Variants in C8orf82 observed in about 807,000 individuals in gnomAD.
C8orf82 encodes the protein UPF0598 protein C8orf82.
C8orf82 carries 24 observed loss-of-function variants against 15.0 expected under a neutral mutation model. That is an observed-to-expected ratio of 1.60 (90% CI 1.16 to 2.24). The LOEUF is 2.24. C8orf82 is among the 30% of genes most tolerant of loss of function. The pLI is 0.00. For missense variants in C8orf82, 388 were observed against 317.4 expected (o/e 1.22, Z -1.69); for synonymous variants, 205 against 152.2 (o/e 1.35, Z -2.55).
At chr8:144,527,961 G>A in intron 2 of C8orf82, 63 bp downstream of exon 2, 3 of 1,559,146 alleles carry the variant, frequency 1.9e-6, no homozygotes, top group East Asian at 2.2e-5. Flanking sequence ...CAGAGTCGGG[G>A]AGCCCATCAG....
In C8orf82 at chr8:144,529,070, GGCTCGCCCGCCCTGGCCTTCC is replaced by G; in HGVS notation, c.-175_-155del. 1.4e-6 allele frequency: 1 copy of G among 726,256 alleles called. No individual in the cohort carries two copies. Among genetic ancestry groups the G allele is most frequent in the Non-Finnish European group, 2.0e-6 (1 of 502,490 alleles). The allele number at this position is 726,256 out of a possible 1,614,324, so 45.0% of individuals were successfully genotyped here. A position where few individuals can be genotyped will look rare whatever the true frequency, so the allele number is the denominator to read the frequency against. On this transcript the variant is annotated 5_prime_UTR_variant, in exon 1 of 3. Coordinates refer to ENST00000524821, the MANE Select transcript of C8orf82 (RefSeq NM_001001795.2). The stretch of plus-strand genomic sequence containing the variant: ...TCTTCCCTCTCCCTCGGGCCTCGGG[GGCTCGCCCGCCCTGGCCTTCC>G]GAGAGGCGTGTGCCGGTGACGCCCC...
In C8orf82 at chr8:144,527,348, C is replaced by T; in HGVS notation, c.645G>A (p.Ser215=). 2.5e-6 allele frequency: 3 copies of T among 1,199,636 alleles called. No homozygotes were observed. Among genetic ancestry groups the T allele is most frequent in the Middle Eastern group, 3.5e-4 (1 of 2,880 alleles). The allele number at this position is 1,199,636 out of a possible 1,614,324, so 74.3% of individuals were successfully genotyped here. A position where few individuals can be genotyped will look rare whatever the true frequency, so the allele number is the denominator to read the frequency against. The change falls in exon 3 of 3, where the codon TCG becomes TCA. Residue 215 remains serine, a synonymous_variant. Transcript: ENST00000524821. ...GCCTTTCCCTTGGCCCCGCTCAGGG[C>T]GACCGAGCCGCGAGCAGCAGCGGGG... The part of the protein sequence containing the change: ...DLAPLLLAAR[S]P
At chr8:144,528,488 C>T in intron 1 of C8orf82, 2 of 1,449,878 alleles carry the variant, frequency 1.4e-6, no homozygotes, top group East Asian at 2.6e-5. Context: ...GGACAGAGTC[C>T]GAAGCTGCAC....
At chr8:144,527,981 G>C (rs372937622) in intron 2 of C8orf82, 43 bp downstream of exon 2, 2 of 1,601,904 alleles carry the variant, frequency 1.2e-6, no homozygotes, top group South Asian at 1.1e-5. Flanking sequence ...GGGGCTGCCC[G>C]GAAGGGAGAA....
In C8orf82 at chr8:144,527,794, G is replaced by A. The variant is rs780301857; in HGVS notation, c.206-7C>T. On this transcript the variant is annotated splice_region_variant and splice_polypyrimidine_tract_variant and intron_variant, in intron 2 of 2. Transcript: ENST00000524821. ...GTGACCAGGAACTGCGGGTCTGGGG[G>A]ATGAAGGGTGCGTGTACTCAGCGCG... 3 of 1,593,876 alleles carry A rather than the reference G, an allele frequency of 1.9e-6. No individual in the cohort carries two copies. The highest frequency in any genetic ancestry group is 2.2e-5 in the East Asian group (1 of 44,672).
Position 144,528,080 on chromosome 8 carries a change from T to G in C8orf82, c.157-8A>C. 1.2e-6 allele frequency: 2 copies of G among 1,612,034 alleles called. No homozygotes were observed. The highest frequency in any genetic ancestry group is 1.7e-6 in the Non-Finnish European group (2 of 1,179,458). On this transcript the variant is annotated splice_polypyrimidine_tract_variant and splice_region_variant and intron_variant, in intron 1 of 2. Coordinates refer to ENST00000524821, the MANE Select transcript of C8orf82 (RefSeq NM_001001795.2). ...GGAATCATCCAGGAAAAGCTGCAGA[T>G]AGAGGGCCAGGCCGTGATAAGTCCC...
In C8orf82 at chr8:144,528,785, G is replaced by A. The variant is rs897755096; in HGVS notation, c.132C>T (p.Phe44=). The part of the protein sequence containing the change: ...QSPEPRTREY[F]YYVDHQGQLF... Reference sequence around the variant, plus strand: ...CCTGGCCCTGGTGGTCCACGTAGTAGAAATACTCGCGGGTCCGCGGCTCCG... The same window carrying A: ...CCTGGCCCTGGTGGTCCACGTAGTAAAAATACTCGCGGGTCCGCGGCTCCG... Residue 44 remains phenylalanine, a synonymous_variant, in exon 1 of 3, where the codon TTC becomes TTT. Transcript: ENST00000524821. 7.0e-7 allele frequency: 1 copy of A among 1,437,634 alleles called. No individual in the cohort carries two copies. Among genetic ancestry groups the A allele is most frequent in the Non-Finnish European group, 9.1e-7 (1 of 1,093,332 alleles). 89.1% of individuals were successfully genotyped at this position (1,437,634 alleles called of 1,614,324 possible).
chr8:144,528,709 C>CCCAACA, intron 1 of C8orf82, 52 bp downstream of exon 1: 1 of 803,980 alleles, frequency 1.2e-6, no homozygotes, highest in Non-Finnish European at 1.6e-6. Flanking sequence ...CCGCCCCGCC[C>CCCAACA]AGAGACCTCT....
At chr8:144,528,616 C>CGGGGGGGGGGGGGGGGGGGGGGGGG in intron 1 of C8orf82, 145 bp downstream of exon 1, 33 of 295,992 alleles carry the variant, frequency 1.1e-4, no homozygotes, top group Non-Finnish European at 1.5e-4. Flanking sequence ...GCGCAGGCCC[C>CGGGGGGGGGGGGGGGGGGGGGGGGG]GCCCACCCAC....
At chr8:144,528,297 C>T (rs1446419209) in intron 1 of C8orf82, 1 of 1,509,352 alleles carries the variant, frequency 6.6e-7, no homozygotes, top group South Asian at 1.2e-5. Flanking sequence ...AATTCTTTCC[C>T]GCACCTTTTC....
intron 1 of C8orf82, 60 bp from the exon 2 acceptor site, chr8:144,528,132 C>A: frequency 6.3e-7 from 1 of 1,593,902 alleles, no homozygotes; most frequent in Non-Finnish European, 8.6e-7. Context: ...CGGGGAAGCT[C>A]AGGAGGTCCT....
rs369151282 is a variant in C8orf82, at chr8:144,527,766, A to G, written c.227T>C (p.Phe76Ser). The change falls in exon 3 of 3, where the codon TTC becomes TCC. Residue 76 changes from phenylalanine to serine, a missense_variant. Physicochemically the swap from Phe to Ser is radical, Grantham distance 155. Coordinates refer to ENST00000524821, the MANE Select transcript of C8orf82 (RefSeq NM_001001795.2). ...GCGGTTGGGTCTCAGGCGGGAGAAG[A>G]AGGTGACCAGGAACTGCGGGTCTGG... ...CFKDPQFLVTFFSRLRPNRSG... is the reference protein window; with the variant it reads ...CFKDPQFLVTSFSRLRPNRSG... 77 of 1,594,790 alleles carry G rather than the reference A, an allele frequency of 4.8e-5. No homozygotes were observed. The South Asian group carries it at 6.2e-4, about 13-fold the overall frequency.
chr8:144,527,250 G>GAGCGCGGGT lies in C8orf82; in HGVS notation c.*83_*91dup. On this transcript the variant is annotated 3_prime_UTR_variant, in exon 3 of 3. Coordinates refer to ENST00000524821, the MANE Select transcript of C8orf82 (RefSeq NM_001001795.2). ...GCGCGCAGGCGCACTAGGCTGCCGCGAGCGCGGGTGGCGCGGGCTTTCCGG... is the reference window on the plus strand; with the variant it reads ...GCGCGCAGGCGCACTAGGCTGCCGCGAGCGCGGGTAGCGCGGGTGGCGCGGGCTTTCCGG... The GAGCGCGGGT allele has an allele frequency of 1.1e-6, 1 of 921,554 alleles. No individual in the cohort carries two copies. Among genetic ancestry groups the GAGCGCGGGT allele is most frequent in the Non-Finnish European group, 1.4e-6 (1 of 732,622 alleles). The allele number at this position is 921,554 out of a possible 1,614,324, so 57.1% of individuals were successfully genotyped here. A position where few individuals can be genotyped will look rare whatever the true frequency, so the allele number is the denominator to read the frequency against.
intron 2 of C8orf82, 86 bp from the exon 3 acceptor site, chr8:144,527,873 G>C: frequency 2.0e-6 from 3 of 1,538,222 alleles, no homozygotes; most frequent in Non-Finnish European, 2.7e-6. Flanking sequence ...GGCGCCGACG[G>C]TAAGAGGTTC....
chr8:144,528,569 G>A, intron 1 of C8orf82, 192 bp downstream of exon 1: 1 of 1,264,140 alleles, frequency 7.9e-7, no homozygotes. Flanking sequence ...TTTCCAGCGC[G>A]CTCTCCTCCA....
Position 144,529,048 on chromosome 8 carries a change from T to C in C8orf82, c.-132A>G. 1 of 933,984 alleles carries C rather than the reference T, an allele frequency of 1.1e-6. No homozygotes were observed. Among genetic ancestry groups the C allele is most frequent in the South Asian group, 2.4e-5 (1 of 42,330 alleles). 57.9% of individuals were successfully genotyped at this position (933,984 alleles called of 1,614,324 possible). A position where few individuals can be genotyped will look rare whatever the true frequency, so the allele number is the denominator to read the frequency against. ...CTCCGCGACCCGGGCCCGGCGCTCTTCCCTCTCCCTCGGGCCTCGGGGGCT... is the reference window on the plus strand; with the variant it reads ...CTCCGCGACCCGGGCCCGGCGCTCTCCCCTCTCCCTCGGGCCTCGGGGGCT... On this transcript the variant is annotated 5_prime_UTR_variant, in exon 1 of 3. Coordinates refer to ENST00000524821, the MANE Select transcript of C8orf82 (RefSeq NM_001001795.2).
intron 1 of C8orf82, chr8:144,528,389 C>T (rs1816463946): frequency 1.3e-6 from 2 of 1,496,918 alleles, no homozygotes; most frequent in South Asian, 1.2e-5. Flanking sequence ...ATGCAGCTGC[C>T]TTTTGACAGG....
chr8:144,527,909 T>C (rs1391477630), intron 2 of C8orf82, 115 bp downstream of exon 2: 1 of 1,501,970 alleles, frequency 6.7e-7, no homozygotes. Flanking sequence ...GCGGGGCTCC[T>C]GAGCGCAGGA....
intron 1 of C8orf82, 113 bp downstream of exon 1, chr8:144,528,648 C>G (rs1331549148): frequency 3.1e-6 from 1 of 318,730 alleles, no homozygotes; most frequent in Non-Finnish European, 4.5e-6. Flanking sequence ...AACGTCCCTC[C>G]GGCCCCGCCC....
Sources: allele counts gnomAD v4.1 joint callset, GRCh38; gene constraint gnomAD v4.1.1; transcripts MANE v1.5; gene names NCBI Gene and HGNC (gene_info 2026-07-23, HGNC 2026-07-21).